SNX25: variants seen among roughly 807,000 people sequenced by gnomAD.
The protein encoded by SNX25 is sorting nexin 25, also known as sorting nexin-25.
SNX25 carries 62 observed loss-of-function variants against 113.7 expected under a neutral mutation model. The ratio of observed to expected loss-of-function variants is 0.55; its 90% CI spans 0.44 to 0.67. SNX25 has a LOEUF of 0.67. Ranked by LOEUF, SNX25 falls within the 30% of genes least tolerant of loss-of-function variation. The pLI, the probability that SNX25 is intolerant of heterozygous loss-of-function variation, is 0.00. For synonymous variants in SNX25, 421 were observed against 436.2 expected (o/e 0.97, Z 0.43); for missense variants, 1,014 against 1,161.0 (o/e 0.87, Z 1.84).
At chr4:185,344,674 G>A (rs1201025427) in intron 12 of SNX25, among the ~76,000 whole-genome samples, 1 of 152,106 alleles carries the variant, frequency 6.6e-6, no homozygotes, top group Admixed American at 6.5e-5. Flanking sequence ...TTGAAAACAC[G>A]GTTTGAAGCC....
rs765822537 is a variant in SNX25, at chr4:185,250,875, A to G, written c.514+3497A>G. On this transcript the variant is annotated intron_variant, in intron 2 of 18. Transcript: ENST00000652585. Reference sequence around the variant, plus strand: ...AGGTTAGTCTGATATAAGCTATTCTACCACCCCTGGAATTAGAACTCTGTC... The same window carrying G: ...AGGTTAGTCTGATATAAGCTATTCTGCCACCCCTGGAATTAGAACTCTGTC... Among the ~76,000 whole-genome samples, 15 of 152,028 alleles carry G rather than the reference A, an allele frequency of 9.9e-5. 1 individual carries two copies. The highest frequency in any genetic ancestry group is 1.8e-4 in the Non-Finnish European group (12 of 68,020).
intron 10 of SNX25, among the ~76,000 whole-genome samples, chr4:185,335,594 C>T (rs773436142): frequency 6.6e-6 from 1 of 152,154 alleles, no homozygotes; most frequent in Non-Finnish European, 1.5e-5. Flanking sequence ...GTGTAATTAG[C>T]TACTGGGTGG....
In SNX25 at chr4:185,302,091, G is replaced by GTTTT. The variant is rs1233693832; in HGVS notation, c.1163-8539_1163-8536dup. ...ATTTTTGTATATTTTGTGTGTGTGT[G>GTTTT]TTTTTTTTGTTTTTTTTTTTTTTTA... is the stretch of plus-strand genomic sequence containing the variant. On this transcript the variant is annotated intron_variant, in intron 6 of 18. Transcript: ENST00000652585. Among the ~76,000 whole-genome samples the GTTTT allele has an allele frequency of 3.3e-4, 36 of 108,362 alleles. 1 individual carries two copies. In the East Asian group the frequency reaches 7.1e-3, roughly 21 times the overall value. The allele number at this position is 108,362 out of a possible 152,430, so 71.1% of individuals were successfully genotyped here. A position where few individuals can be genotyped will look rare whatever the true frequency, so the allele number is the denominator to read the frequency against.
chr4:185,315,156 A>C (rs1279379640), intron 7 of SNX25, among the ~76,000 whole-genome samples: 2 of 150,874 alleles, frequency 1.3e-5, no homozygotes, highest in Non-Finnish European at 2.9e-5. Flanking sequence ...TGAACCTGGG[A>C]GGCGGAGCTT....
chr4:185,300,091 T>C (rs1753415813), intron 6 of SNX25, among the ~76,000 whole-genome samples: 1 of 152,230 alleles, frequency 6.6e-6, no homozygotes, highest in South Asian at 2.1e-4. Context: ...ATGTTGAATA[T>C]GTATGTGTAC....
chr4:185,298,773 C>T (rs1293225589), intron 6 of SNX25, among the ~76,000 whole-genome samples: 1 of 152,158 alleles, frequency 6.6e-6, no homozygotes, highest in Admixed American at 6.6e-5. Context: ...GTCTAGATAA[C>T]TCCTCCTTAT....
At chr4:185,357,909 T>C (rs184149346) in intron 16 of SNX25, among the ~76,000 whole-genome samples, 172 bp downstream of exon 16, 8 of 152,306 alleles carry the variant, frequency 5.3e-5, no homozygotes, top group Admixed American at 5.2e-4. Context: ...TCTAAAAGAA[T>C]TTCTCCCACA....
intron 1 of SNX25, among the ~76,000 whole-genome samples, chr4:185,224,540 T>A (rs1740635391): frequency 1.0e-5 from 1 of 99,098 alleles, no homozygotes; most frequent in Non-Finnish European, 2.5e-5. Flanking sequence ...TATATATAAA[T>A]ATATATACAT....
At chr4:185,317,215 A>G (rs2095081557) in intron 7 of SNX25, among the ~76,000 whole-genome samples, 1 of 152,240 alleles carries the variant, frequency 6.6e-6, no homozygotes, top group South Asian at 2.1e-4. Flanking sequence ...AAACATATGA[A>G]AAAAAAGCTC....
At chr4:185,325,404 G>C (rs897458618) in intron 9 of SNX25, among the ~76,000 whole-genome samples, 1 of 151,978 alleles carries the variant, frequency 6.6e-6, no homozygotes, top group African/African-American at 2.4e-5. Context: ...GTGATAGCAT[G>C]CGCCTGTAGT....
chr4:185,341,825 C>T lies in SNX25; in HGVS notation c.2047-151C>T, dbSNP rs115241689. On this transcript the variant is annotated intron_variant, in intron 11 of 18. Coordinates refer to ENST00000652585, the MANE Select transcript of SNX25 (RefSeq NM_001378034.2). ...TATGCCATATAATGTATCTTAGTTA[C>T]TAGAATAAAATCTATAATATTCACA... 1.3e-3 allele frequency: 926 copies of T among 717,278 alleles called. 3 individuals carry two copies. Among genetic ancestry groups the T allele is most frequent in the African/African-American group, 0.013 (695 of 54,346 alleles). 44.4% of individuals were successfully genotyped at this position (717,278 alleles called of 1,614,324 possible). A position where few individuals can be genotyped will look rare whatever the true frequency, so the allele number is the denominator to read the frequency against.
intron 15 of SNX25, among the ~76,000 whole-genome samples, chr4:185,354,325 G>T (rs1159224305): frequency 7.2e-5 from 11 of 152,144 alleles, no homozygotes; most frequent in Admixed American, 7.2e-4. Context: ...CCAAGGACGT[G>T]GGAATGCCTC....
intron 2 of SNX25, among the ~76,000 whole-genome samples, chr4:185,250,774 A>C (rs1252305137): frequency 6.6e-6 from 1 of 151,590 alleles, no homozygotes; most frequent in East Asian, 1.9e-4. Flanking sequence ...ATTAGGATGC[A>C]ACTCCATCAT....
At chr4:185,283,142 T>C (rs1750882572) in intron 5 of SNX25, among the ~76,000 whole-genome samples, 1 of 152,206 alleles carries the variant, frequency 6.6e-6, no homozygotes, top group South Asian at 2.1e-4. Context: ...GTTACACTCC[T>C]TGGATTCCAC....
At chr4:185,319,193 CTTTTTT>C (rs143650995) in intron 7 of SNX25, among the ~76,000 whole-genome samples, 2 of 85,970 alleles carry the variant, frequency 2.3e-5, no homozygotes, top group Non-Finnish European at 4.1e-5. Flanking sequence ...TGAGAAAGTC[CTTTTTT>C]TTTTTTTTTT....
intron 2 of SNX25, among the ~76,000 whole-genome samples, chr4:185,247,611 T>C (rs1745045380): frequency 6.6e-6 from 1 of 152,242 alleles, no homozygotes; most frequent in African/African-American, 2.4e-5. Context: ...GCCAGCCATG[T>C]AGAGCTAGTT....
chr4:185,336,003 T>C (rs147158283), intron 10 of SNX25, among the ~76,000 whole-genome samples: 53 of 152,296 alleles, frequency 3.5e-4, no homozygotes, highest in African/African-American at 1.2e-3. Context: ...CAGGAGAGTT[T>C]TGGAGCAAAG....
intron 15 of SNX25, among the ~76,000 whole-genome samples, chr4:185,353,910 GGC>G (rs2095327435): frequency 6.6e-6 from 1 of 152,150 alleles, no homozygotes; most frequent in Non-Finnish European, 1.5e-5. Context: ...CGGGCATGGT[GGC>G]GCATGCCTGT....
intron 6 of SNX25, among the ~76,000 whole-genome samples, chr4:185,309,166 C>T (rs951434825): frequency 6.6e-6 from 1 of 152,030 alleles, no homozygotes; most frequent in African/African-American, 2.4e-5. Context: ...AGCTGTGGTT[C>T]GGGGAGCCTC....
Sources: allele counts gnomAD v4.1 joint callset (sites outside exome capture counted in the v4.1 genomes callset), GRCh38; gene constraint gnomAD v4.1.1; transcripts MANE v1.5; gene names NCBI Gene and HGNC (gene_info 2026-07-23, HGNC 2026-07-21).